The following PPP1R21 variants were observed in gnomAD, a reference collection of about 807,000 sequenced individuals.
PPP1R21 encodes the protein KLRAQ motif containing 1.
PPP1R21 carries 85 observed loss-of-function variants against 112.8 expected under a neutral mutation model. The ratio of observed to expected loss-of-function variants is 0.75; its 90% CI spans 0.63 to 0.90. The LOEUF is 0.90. Ranked by LOEUF, PPP1R21 falls within the 40% of genes least tolerant of loss-of-function variation. The pLI is 0.00. For synonymous variants in PPP1R21, 381 were observed against 322.3 expected, an observed-to-expected ratio of 1.18 and a Z score of -1.95; for missense variants, 1,199 against 901.5, an observed-to-expected ratio of 1.33 and a Z score of -4.23.
intron 13 of PPP1R21, 51 bp downstream of exon 13, chr2:48,480,067 G>C (rs189329636): frequency 1.3e-5 from 15 of 1,180,924 alleles, no homozygotes; most frequent in East Asian, 2.3e-5. Flanking sequence ...CACTTTCTTC[G>C]ATCTGCCTGA....
intron 17 of PPP1R21, among the ~76,000 whole-genome samples, chr2:48,504,285 AT>A (rs1200689674): frequency 2.0e-5 from 3 of 152,240 alleles, no homozygotes; most frequent in Non-Finnish European, 4.4e-5. Context: ...ATTAGTACAC[AT>A]TCAGTTGATA....
Position 48,465,450 on chromosome 2 carries a change from T to C in PPP1R21, c.748-43T>C, listed in dbSNP as rs375783999. 3.9e-6 allele frequency: 6 copies of C among 1,556,382 alleles called. No homozygotes were observed. The African/African-American group carries it at 8.3e-5, about 21-fold the overall frequency. On this transcript the variant is annotated intron_variant, in intron 8 of 21. Coordinates refer to ENST00000294952, the MANE Select transcript of PPP1R21 (RefSeq NM_001135629.3). ...ACTCAATAAAGTTCTTTTAGGATAATAATTTGAGAGTTGACCTTAACTATA... is the reference window on the plus strand; with the variant it reads ...ACTCAATAAAGTTCTTTTAGGATAACAATTTGAGAGTTGACCTTAACTATA...
rs1278417793 is a variant in PPP1R21, at chr2:48,479,904, T to A, written c.1226-20T>A. On this transcript the variant is annotated intron_variant, in intron 12 of 21. Transcript: ENST00000294952. ...CCATTTTTCAGGAAAATGCTTAGATTTGTGATTTTGATTTCCTAGGTACAG... is the reference window on the plus strand; with the variant it reads ...CCATTTTTCAGGAAAATGCTTAGATATGTGATTTTGATTTCCTAGGTACAG... The A allele has an allele frequency of 2.0e-6, 3 of 1,486,282 alleles. No individual in the cohort carries two copies. The highest frequency in any genetic ancestry group is 2.3e-5 in the South Asian group (2 of 88,318). 92.1% of individuals were successfully genotyped at this position (1,486,282 alleles called of 1,614,324 possible).
chr2:48,509,978 G>A (rs1670558998), intron 19 of PPP1R21, 37 bp from the exon 20 acceptor site: 2 of 1,505,404 alleles, frequency 1.3e-6, no homozygotes, highest in African/African-American at 1.4e-5. Flanking sequence ...TTTAGAAAGT[G>A]CTCCCTCTAG....
chr2:48,465,511 G>A lies in PPP1R21; in HGVS notation c.766G>A (p.Ala256Thr). ...RRHQLKMRDI[A>T]GQALAFVQDL... ...TTTAAAGCTGAAGATGCGAGATATT[G>A]CTGGGCAGGCCCTGGCTTTTGTTCA... The change falls in exon 9 of 22, where the codon GCT becomes ACT. Residue 256 changes from alanine (A) to threonine (T), a missense_variant. Coordinates refer to ENST00000294952, the MANE Select transcript of PPP1R21 (RefSeq NM_001135629.3). 6.2e-7 allele frequency: 1 copy of A among 1,612,388 alleles called. No homozygotes were observed. Among genetic ancestry groups the A allele is most frequent in the East Asian group, 2.2e-5 (1 of 44,866 alleles).
intron 3 of PPP1R21, 75 bp downstream of exon 3, chr2:48,454,816 C>T (rs1667647990): frequency 8.9e-7 from 1 of 1,120,984 alleles, no homozygotes; most frequent in Non-Finnish European, 1.3e-6. Flanking sequence ...CTGGTTTTAA[C>T]AGAAGACCCC....
Position 48,461,457 on chromosome 2 carries a change from T to C in PPP1R21, c.694+225T>C, listed in dbSNP as rs576925781. Among the ~76,000 whole-genome samples the C allele has an allele frequency of 3.3e-5, 5 of 152,294 alleles. No homozygotes were observed. The South Asian group carries it at 1.0e-3, about 32-fold the overall frequency. ...CTGGTCTTCTTGGAAGAAGCCCAAA[T>C]CCACATTTTTTGATTGCATGTATTT... On this transcript the variant is annotated intron_variant, in intron 7 of 21. Transcript: ENST00000294952.
chr2:48,472,538 A>G (rs1668564764), intron 11 of PPP1R21, among the ~76,000 whole-genome samples: 1 of 151,890 alleles, frequency 6.6e-6, no homozygotes, highest in African/African-American at 2.4e-5. Context: ...AGGCAGGAGA[A>G]TCACTTGAAC....
At chr2:48,490,971 T>C (rs1669536870) in intron 14 of PPP1R21, 47 bp from the exon 15 acceptor site, 1 of 1,522,544 alleles carries the variant, frequency 6.6e-7, no homozygotes, top group Non-Finnish European at 9.1e-7. Flanking sequence ...ATATTTTAGA[T>C]ATATTGTTGG....
intron 13 of PPP1R21, among the ~76,000 whole-genome samples, chr2:48,482,041 T>C (rs970460056): frequency 1.2e-4 from 19 of 152,340 alleles, no homozygotes; most frequent in African/African-American, 4.1e-4. Flanking sequence ...TATATGCGAA[T>C]ATTCCAAAAT....
Position 48,507,294 on chromosome 2 carries a change from A to C in PPP1R21, c.1994A>C (p.Asp665Ala). 1 of 1,574,286 alleles carries C rather than the reference A, an allele frequency of 6.4e-7. No homozygotes were observed. Among genetic ancestry groups the C allele is most frequent in the Middle Eastern group, 1.7e-4 (1 of 5,962 alleles). Residue 665 changes from aspartate to alanine, a missense_variant, in exon 19 of 22, where the codon GAC becomes GCC. Physicochemically the swap from Asp to Ala is moderately radical, Grantham distance 126. Coordinates refer to ENST00000294952, the MANE Select transcript of PPP1R21 (RefSeq NM_001135629.3). Reference sequence around the variant, plus strand: ...GTTCCAGATGTGGAATCTCGTGAAGACTTAATTAAAAATCACTACATGGCA... The same window carrying C: ...GTTCCAGATGTGGAATCTCGTGAAGCCTTAATTAAAAATCACTACATGGCA... ...SEVPDVESREDLIKNHYMARI... is the reference protein window; with the variant it reads ...SEVPDVESREALIKNHYMARI...
chr2:48,449,142 A>G (rs1001266032), intron 1 of PPP1R21, among the ~76,000 whole-genome samples: 16 of 152,142 alleles, frequency 1.1e-4, no homozygotes, highest in African/African-American at 3.4e-4. Context: ...TCTCTCACCC[A>G]TATCAATCAA....
Position 48,461,072 on chromosome 2 carries a change from CAAAT to C in PPP1R21, c.600-61_600-58del. 5.3e-6 allele frequency: 8 copies of C among 1,519,094 alleles called. 1 individual carries two copies. The highest frequency in any genetic ancestry group is 1.7e-4 in the Middle Eastern group (1 of 5,748). 94.1% of individuals were successfully genotyped at this position (1,519,094 alleles called of 1,614,324 possible). A position where few individuals can be genotyped will look rare whatever the true frequency, so the allele number is the denominator to read the frequency against. On this transcript the variant is annotated intron_variant, in intron 6 of 21. Transcript: ENST00000294952. ...AGCCTACTACCAGCTGTTGAGGTAA[CAAAT>C]AAATGAGGATTCACTCAGTGATTGG...
chr2:48,495,752 G>A lies in PPP1R21; in HGVS notation c.1673G>A (p.Arg558Gln), dbSNP rs754822696. Residue 558 changes from arginine (R) to glutamine (Q), a missense_variant, in exon 16 of 22, where the codon CGA becomes CAA. Coordinates refer to ENST00000294952, the MANE Select transcript of PPP1R21 (RefSeq NM_001135629.3). ...RRILLSSTES[R>Q]EGLAQQVQQS... is the part of the protein sequence containing the mutation. ...ATCCTTCTCAGCTCTACTGAAAGTCGAGAAGGCCTTGCACAGCAAGTATGG... is the reference window on the plus strand; with the variant it reads ...ATCCTTCTCAGCTCTACTGAAAGTCAAGAAGGCCTTGCACAGCAAGTATGG... The A allele has an allele frequency of 3.1e-6, 5 of 1,607,052 alleles. No individual in the cohort carries two copies. Among genetic ancestry groups the A allele is most frequent in the Admixed American group, 3.3e-5 (2 of 59,992 alleles).
At chr2:48,470,668 C>T (rs1037392195) in intron 9 of PPP1R21, among the ~76,000 whole-genome samples, 2 of 151,994 alleles carry the variant, frequency 1.3e-5, no homozygotes, top group African/African-American at 2.4e-5. Flanking sequence ...AAATTTTTGT[C>T]GTACAGTCTT....
chr2:48,492,900 C>T (rs571002966), intron 15 of PPP1R21, among the ~76,000 whole-genome samples: 1 of 150,280 alleles, frequency 6.7e-6, no homozygotes. Flanking sequence ...GGAGAGGTTT[C>T]TTGCTGTTGT....
At chr2:48,478,302 C>T (rs78698279) in intron 12 of PPP1R21, among the ~76,000 whole-genome samples, 5 of 152,202 alleles carry the variant, frequency 3.3e-5, no homozygotes, top group Non-Finnish European at 7.3e-5. Flanking sequence ...GTATTGCCAT[C>T]TAAGCTTAGT....
intron 1 of PPP1R21, chr2:48,441,232 G>C (rs1046027235): frequency 1.2e-5 from 7 of 587,942 alleles, no homozygotes; most frequent in Non-Finnish European, 2.1e-5. Flanking sequence ...GCAGGGAGAA[G>C]CTGGAGTTTG....
intron 9 of PPP1R21, 88 bp downstream of exon 9, chr2:48,465,730 AG>A: frequency 8.6e-7 from 1 of 1,167,608 alleles, no homozygotes; most frequent in Non-Finnish European, 1.2e-6. Context: ...GCACCATCCA[AG>A]TACTGCAAAG....
Sources: allele counts gnomAD v4.1 joint callset (sites outside exome capture counted in the v4.1 genomes callset), GRCh38; gene constraint gnomAD v4.1.1; transcripts MANE v1.5; gene names NCBI Gene and HGNC (gene_info 2026-07-23, HGNC 2026-07-21).